The following HMCN1 variants were observed in gnomAD, a reference collection of about 807,000 sequenced individuals.
HMCN1 encodes hemicentin-1.
HMCN1 carries 321 observed loss-of-function variants against 625.9 expected under a neutral mutation model. The observed-to-expected ratio is 0.51, with a 90% CI of 0.47 to 0.56. HMCN1 has a LOEUF of 0.56. Ranked by LOEUF, HMCN1 falls within the 20% of genes least tolerant of loss-of-function variation. The probability of loss-of-function intolerance (pLI) is 0.00; values close to 1 mark genes in which losing one functional copy is unlikely to be tolerated. For missense variants in HMCN1, 6,588 were observed against 6,887.3 expected, an observed-to-expected ratio of 0.96 and a Z score of 1.54; for synonymous variants, 2,425 against 2,417.6, an observed-to-expected ratio of 1.00 and a Z score of -0.09.
intron 105 of HMCN1, among the ~76,000 whole-genome samples, 173 bp from the exon 106 acceptor site, chr1:186,187,710 G>T (rs902925436): frequency 6.6e-6 from 1 of 152,024 alleles, no homozygotes; most frequent in African/African-American, 2.4e-5. Context: ...AAATAACCCT[G>T]CCAGGTGTCA....
chr1:185,859,100 G>A (rs12747970), intron 2 of HMCN1, among the ~76,000 whole-genome samples: 3 of 145,722 alleles, frequency 2.1e-5, no homozygotes, highest in Non-Finnish European at 3.0e-5. Flanking sequence ...ATATGTGTGT[G>A]TATATATATA....
chr1:186,143,777 C>T (rs1207202921), intron 89 of HMCN1, among the ~76,000 whole-genome samples: 4 of 152,202 alleles, frequency 2.6e-5, no homozygotes, highest in Non-Finnish European at 5.9e-5. Flanking sequence ...ACATCTCAAT[C>T]TGTTATACAG....
chr1:185,919,709 GTT>G (rs1666907027), intron 6 of HMCN1, among the ~76,000 whole-genome samples: 1 of 152,180 alleles, frequency 6.6e-6, no homozygotes, highest in South Asian at 2.1e-4. Flanking sequence ...TAGCTGTAGA[GTT>G]TGGTTTCTGG....
intron 2 of HMCN1, among the ~76,000 whole-genome samples, chr1:185,851,482 G>A (rs1168583408): frequency 1.3e-5 from 2 of 152,150 alleles, no homozygotes; most frequent in East Asian, 1.9e-4. Context: ...TATTAAATTT[G>A]TACCATTAAT....
Position 186,117,441 on chromosome 1 carries a change from T to A in HMCN1, c.11684-18T>A, listed in dbSNP as rs1403428728. 6.2e-7 allele frequency: 1 copy of A among 1,612,178 alleles called. No homozygotes were observed. The highest frequency in any genetic ancestry group is 1.7e-5 in the Admixed American group (1 of 59,948). On this transcript the variant is annotated intron_variant, in intron 76 of 106. Coordinates refer to ENST00000271588, the MANE Select transcript of HMCN1 (RefSeq NM_031935.3). ...AAATGTGTAGTTTTTTCCCTTTTTG[T>A]TGTTGTTGTTGTTTTAGTTCCACCT... is the stretch of plus-strand genomic sequence containing the variant.
chr1:186,000,419 G>A (rs1374553569), intron 26 of HMCN1, among the ~76,000 whole-genome samples, 180 bp downstream of exon 26: 1 of 151,730 alleles, frequency 6.6e-6, no homozygotes, highest in Non-Finnish European at 1.5e-5. Context: ...ATTTTTTATT[G>A]TGACTTTACA....
chr1:186,057,490 G>C, intron 46 of HMCN1, 89 bp downstream of exon 46: 1 of 974,750 alleles, frequency 1.0e-6, no homozygotes, highest in East Asian at 2.4e-5. Flanking sequence ...TGTTTTTATT[G>C]TTTTATTTTT....
intron 29 of HMCN1, among the ~76,000 whole-genome samples, chr1:186,006,183 A>T (rs1214165033): frequency 4.6e-5 from 7 of 151,882 alleles, no homozygotes; most frequent in African/African-American, 1.7e-4. Context: ...AAGCTACTTT[A>T]TTCTCTTAAC....
At chr1:185,874,735 C>T (rs2102377214) in intron 4 of HMCN1, among the ~76,000 whole-genome samples, 1 of 151,924 alleles carries the variant, frequency 6.6e-6, no homozygotes, top group Admixed American at 6.6e-5. Context: ...ATTCAGAATT[C>T]TAGTCATAAT....
chr1:186,166,259 G>A lies in HMCN1; in HGVS notation c.15395G>A (p.Cys5132Tyr). Residue 5132 changes from cysteine to tyrosine, a missense_variant, in exon 99 of 107, where the codon TGC becomes TAC. Physicochemically the swap from Cys to Tyr is radical, Grantham distance 194. Transcript: ENST00000271588. ...HNAMGTYYCSCPKGLTIAADG... is the reference protein window; with the variant it reads ...HNAMGTYYCSYPKGLTIAADG... ...GCCATGGGGACTTACTACTGCTCCT[G>A]CCCTAAAGGCCTCACCATAGCTGCA... The A allele has an allele frequency of 6.2e-7, 1 of 1,614,070 alleles. No individual in the cohort carries two copies.
chr1:186,127,061 G>T (rs796270119), intron 82 of HMCN1, among the ~76,000 whole-genome samples: 55 of 152,136 alleles, frequency 3.6e-4, no homozygotes, highest in African/African-American at 1.2e-3. Context: ...ATTGCAAGTA[G>T]GGTGTGAGGA....
intron 1 of HMCN1, among the ~76,000 whole-genome samples, chr1:185,833,081 C>T (rs544332946): frequency 2.0e-4 from 31 of 152,224 alleles, no homozygotes; most frequent in African/African-American, 7.5e-4. Context: ...TATTTTGTCT[C>T]TTTGCTTTAC....
rs1223518824 is a variant in HMCN1, at chr1:185,987,415, C to A, written c.2936-17C>A. ...AAGAACAGGTGCTCAGATTCCAAATCCTACTTACCTTTTCAGTTCTGCCAA... is the reference window on the plus strand; with the variant it reads ...AAGAACAGGTGCTCAGATTCCAAATACTACTTACCTTTTCAGTTCTGCCAA... On this transcript the variant is annotated splice_polypyrimidine_tract_variant and intron_variant, in intron 19 of 106. Coordinates refer to ENST00000271588, the MANE Select transcript of HMCN1 (RefSeq NM_031935.3). The A allele has an allele frequency of 2.0e-6, 3 of 1,526,742 alleles. No homozygotes were observed. The highest frequency in any genetic ancestry group is 1.7e-5 in the Admixed American group (1 of 59,898). The allele number at this position is 1,526,742 out of a possible 1,614,324, so 94.6% of individuals were successfully genotyped here.
intron 11 of HMCN1, among the ~76,000 whole-genome samples, chr1:185,949,273 ACTAG>A (rs1668515553): frequency 1.3e-5 from 2 of 151,948 alleles, no homozygotes; most frequent in South Asian, 4.1e-4. Context: ...TATGAGTATG[ACTAG>A]ACAGAAGATA....
chr1:186,020,146 T>A (rs1381309320), intron 35 of HMCN1, among the ~76,000 whole-genome samples: 1 of 151,990 alleles, frequency 6.6e-6, no homozygotes, highest in Non-Finnish European at 1.5e-5. Flanking sequence ...TTAAAAAAAA[T>A]TGAAAAGTTC....
chr1:185,997,421 C>T lies in HMCN1; in HGVS notation c.3779-8C>T, dbSNP rs750474171. 2.0e-5 allele frequency: 32 copies of T among 1,582,178 alleles called. No homozygotes were observed. The highest frequency in any genetic ancestry group is 2.7e-5 in the African/African-American group (2 of 74,242). ...AAGCCTGTGATAATGCATTTATTTT[C>T]CTAATAGAACCACCCACAGTGGAAG... On this transcript the variant is annotated splice_region_variant and splice_polypyrimidine_tract_variant and intron_variant, in intron 24 of 106. Transcript: ENST00000271588.
At chr1:185,996,482 A>C (rs1030156969) in intron 24 of HMCN1, among the ~76,000 whole-genome samples, 6 of 152,274 alleles carry the variant, frequency 3.9e-5, no homozygotes, top group Middle Eastern at 3.4e-3. Context: ...AGACTAATGA[A>C]GTTAGACTTT....
At chr1:186,168,073 C>T (rs1651989640) in intron 100 of HMCN1, among the ~76,000 whole-genome samples, 1 of 151,290 alleles carries the variant, frequency 6.6e-6, no homozygotes, top group Admixed American at 6.6e-5. Context: ...TATAATTTTG[C>T]AGAAAAGAGT....
rs1054330742 is a variant in HMCN1 at position 186,120,058 on chromosome 1, G to C, written c.12142G>C (p.Ala4048Pro). Residue 4048 changes from alanine to proline, a missense_variant, in exon 80 of 107, where the codon GCT becomes CCT. Around this residue, in one of 3 missense-constraint regions of HMCN1, gnomAD observed 1,954 missense variants for 2,013.1 expected, o/e 0.97. Transcript: ENST00000271588. Reference sequence around the variant, plus strand: ...TAGTGGCGGCTTACAGATCTCCAGAGCTGTCCGAGAGGATGCTGGCACTTA... The same window carrying C: ...TAGTGGCGGCTTACAGATCTCCAGACCTGTCCGAGAGGATGCTGGCACTTA... ...LPSGGLQISR[A>P]VREDAGTYMC... is the part of the protein sequence containing the mutation. 7.4e-6 allele frequency: 12 copies of C among 1,613,890 alleles called. No individual in the cohort carries two copies. Among genetic ancestry groups the C allele is most frequent in the Non-Finnish European group, 1.0e-5 (12 of 1,179,976 alleles).
Sources: allele counts gnomAD v4.1 joint callset (sites outside exome capture counted in the v4.1 genomes callset), GRCh38; gene constraint gnomAD v4.1.1; regional missense constraint gnomAD v4.1.1; transcripts MANE v1.5; gene names NCBI Gene and HGNC (gene_info 2026-07-23, HGNC 2026-07-21).